The following RELCH variants were observed in gnomAD, a reference collection of about 807,000 sequenced individuals.
The protein encoded by RELCH is RAB11-binding protein RELCH.
A neutral mutation model predicts 150.3 loss-of-function variants in RELCH; 41 were observed. The observed-to-expected ratio is 0.27, with a 90% confidence interval of 0.21 to 0.35. The LOEUF (loss-of-function observed/expected upper bound fraction) is 0.35, where lower values mean the gene tolerates loss of function less well. RELCH is among the 10% of genes least tolerant of loss of function. RELCH has a pLI of 1.00. For missense variants in RELCH, 1,092 were observed against 1,467.8 expected (o/e 0.74, Z 4.18); for synonymous variants, 478 against 531.8 (o/e 0.90, Z 1.39).
At chr18:62,239,116 TTAAAC>T (rs2042015121) in intron 10 of RELCH, among the ~76,000 whole-genome samples, 1 of 152,140 alleles carries the variant, frequency 6.6e-6, no homozygotes, top group African/African-American at 2.4e-5. Flanking sequence ...ACTCCCTTCT[TTAAAC>T]CTATGTGATG....
At chr18:62,219,307 G>GT (rs1181584628) in intron 2 of RELCH, among the ~76,000 whole-genome samples, 12 of 113,662 alleles carry the variant, frequency 1.1e-4, no homozygotes, top group South Asian at 2.9e-4. Flanking sequence ...GTTTTAACCA[G>GT]TTTTTTTTTC....
chr18:62,277,791 T>G, intron 22 of RELCH: 1 of 814,806 alleles, frequency 1.2e-6, no homozygotes. Context: ...AGCAAATTAA[T>G]AAAATTATTT....
Position 62,307,231 on chromosome 18 carries a change from T to C in RELCH, c.*1697T>C, listed in dbSNP as rs2045906340. ...TGAGAATATACTAATATTTTGTAAA[T>C]ATAATTTATATAAATTTACCTATTT... On this transcript the variant is annotated 3_prime_UTR_variant, in exon 29 of 29. Transcript: ENST00000644646. 1 of 152,038 alleles carries C rather than the reference T, an allele frequency of 6.6e-6. No individual in the cohort carries two copies. Among genetic ancestry groups the C allele is most frequent in the Non-Finnish European group, 1.5e-5 (1 of 67,988 alleles). 9.4% of individuals were successfully genotyped at this position (152,038 alleles called of 1,614,324 possible).
chr18:62,249,808 A>G (rs1181528040), intron 11 of RELCH, among the ~76,000 whole-genome samples: 1 of 152,014 alleles, frequency 6.6e-6, no homozygotes, highest in African/African-American at 2.4e-5. Flanking sequence ...TAAATTTACT[A>G]AAATAGACTA....
intron 3 of RELCH, 41 bp from the exon 4 acceptor site, chr18:62,221,178 A>ATGTAAAAT: frequency 1.9e-6 from 3 of 1,593,980 alleles, no homozygotes; most frequent in Non-Finnish European, 2.6e-6. Context: ...ATATTTTAAA[A>ATGTAAAAT]TGTAAAATAG....
chr18:62,232,401 C>T lies in RELCH; in HGVS notation c.1594C>T (p.Pro532Ser), dbSNP rs960273183. The change falls in exon 10 of 29, where the codon CCC becomes TCC. Residue 532 changes from proline (P) to serine (S), a missense_variant. Physicochemically the swap from Pro to Ser is moderately conservative, Grantham distance 74. This residue lies in a region of RELCH where 707 missense variants were observed against 1,025.4 expected (regional missense o/e 0.69). Coordinates refer to ENST00000644646, the MANE Select transcript of RELCH (RefSeq NM_001346231.2). ...GGGACGCTGCCTGCCACACATTGTT[C>T]CCAATGTGCTATTGGCAAAGAGAGA... ...MLGRCLPHIV[P>S]NVLLAKREEL... The T allele has an allele frequency of 6.2e-7, 1 of 1,608,650 alleles. No homozygotes were observed. The highest frequency in any genetic ancestry group is 8.5e-7 in the Non-Finnish European group (1 of 1,175,740).
At chr18:62,263,830 A>G (rs2043402271) in intron 16 of RELCH, among the ~76,000 whole-genome samples, 159 bp from the exon 17 acceptor site, 1 of 152,074 alleles carries the variant, frequency 6.6e-6, no homozygotes, top group African/African-American at 2.4e-5. Flanking sequence ...GATTTTCCTA[A>G]AAATGACTTA....
At chr18:62,208,811 T>G (rs1169924018) in intron 1 of RELCH, among the ~76,000 whole-genome samples, 1 of 151,822 alleles carries the variant, frequency 6.6e-6, no homozygotes, top group African/African-American at 2.4e-5. Context: ...CCTCCAGCTG[T>G]TCCCACAAAA....
chr18:62,219,701 G>T (rs547855243), intron 2 of RELCH, among the ~76,000 whole-genome samples: 2 of 151,928 alleles, frequency 1.3e-5, no homozygotes, highest in African/African-American at 4.8e-5. Flanking sequence ...AGTAACATAC[G>T]ATGTCATCTG....
chr18:62,290,323 CAG>C (rs2145044846), intron 26 of RELCH, among the ~76,000 whole-genome samples: 1 of 152,272 alleles, frequency 6.6e-6, no homozygotes, highest in South Asian at 2.1e-4. Context: ...CACCTGAGGT[CAG>C]GGGTTCGAGA....
intron 11 of RELCH, chr18:62,245,927 C>T (rs1223726777): frequency 2.0e-5 from 3 of 152,106 alleles, no homozygotes; most frequent in South Asian, 2.1e-4. Flanking sequence ...GACTAGAAAA[C>T]GGCTCTTCTC....
chr18:62,227,724 T>C, intron 7 of RELCH, 35 bp downstream of exon 7: 1 of 1,110,740 alleles, frequency 9.0e-7, no homozygotes. Flanking sequence ...AAAATCCTCT[T>C]AAGGTGTTTA....
Position 62,221,424 on chromosome 18 carries a change from T to C in RELCH, c.785T>C (p.Leu262Ser). The part of the protein sequence containing the change: ...KPLEKRALNF[L>S]VNEFLLKNNY... ...CTTGAAAAGAGAGCTCTAAACTTCT[T>C]AGTCAATGAATTTTTATTGAAGAAT... is the stretch of plus-strand genomic sequence containing the variant. Residue 262 changes from leucine to serine, a missense_variant, in exon 5 of 29, where the codon TTA (leucine) becomes TCA (serine). Coordinates refer to ENST00000644646, the MANE Select transcript of RELCH (RefSeq NM_001346231.2). 6.3e-7 allele frequency: 1 copy of C among 1,598,112 alleles called. No homozygotes were observed.
At chr18:62,278,112 C>G (rs2044313873) in intron 22 of RELCH, 1 of 152,458 alleles carries the variant, frequency 6.6e-6, no homozygotes, top group Non-Finnish European at 1.5e-5. Context: ...CTTAAATGTA[C>G]TTTGTGATTT....
At chr18:62,221,781 G>T (rs1357453284) in intron 5 of RELCH, among the ~76,000 whole-genome samples, 1 of 151,522 alleles carries the variant, frequency 6.6e-6, no homozygotes, top group African/African-American at 2.4e-5. Flanking sequence ...TATTCATAAA[G>T]TATGCTTTTT....
chr18:62,247,920 T>C (rs2042505185), intron 11 of RELCH, among the ~76,000 whole-genome samples: 2 of 152,176 alleles, frequency 1.3e-5, no homozygotes, highest in Non-Finnish European at 2.9e-5. Context: ...TTGCCCAAAC[T>C]TTTGTGGTTT....
intron 20 of RELCH, among the ~76,000 whole-genome samples, chr18:62,271,242 C>A (rs1292357835): frequency 6.6e-6 from 1 of 152,196 alleles, no homozygotes; most frequent in Non-Finnish European, 1.5e-5. Context: ...TCCACATCCT[C>A]TCCAGCACCT....
intron 25 of RELCH, among the ~76,000 whole-genome samples, chr18:62,286,601 G>GTT (rs1280504773): frequency 1.3e-5 from 2 of 152,040 alleles, no homozygotes; most frequent in Non-Finnish European, 2.9e-5. Flanking sequence ...CTAGAAAGGG[G>GTT]TTGTGTGATT....
In RELCH at chr18:62,287,355, T is replaced by C; in HGVS notation, c.3258T>C (p.Val1086=). 6.4e-7 allele frequency: 1 copy of C among 1,559,866 alleles called. No individual in the cohort carries two copies. The change falls in exon 26 of 29, where the codon GTT becomes GTC. Residue 1086 remains valine (V), a synonymous_variant. Coordinates refer to ENST00000644646, the MANE Select transcript of RELCH (RefSeq NM_001346231.2). ...CCCTTTTTTTTCTGTTTTCAGTTGT[T>C]ATACCACATTTGCATAAGTTAGCCT... ...NAEPRFRDEF[V]IPHLHKLALV...
Sources: gnomAD v4.1 joint callset for allele counts (sites outside exome capture counted in the v4.1 genomes callset) on GRCh38, gnomAD v4.1.1 for gene constraint, gnomAD v4.1.1 regional missense constraint, MANE v1.5 for transcripts, NCBI Gene and HGNC (gene_info 2026-07-23, HGNC 2026-07-21) for gene names.